The following KANSL1 variants were observed in gnomAD, a reference collection of about 807,000 sequenced individuals.
KANSL1 encodes the protein MLL1/MLL complex subunit KANSL1.
Under a neutral mutation model 103.6 loss-of-function variants are expected in KANSL1, and 22 were observed. The observed-to-expected ratio is 0.21, with a 90% CI of 0.15 to 0.30. The LOEUF (loss-of-function observed/expected upper bound fraction) is 0.30, where lower values mean the gene tolerates loss of function less well. Among genes scored for constraint, KANSL1 ranks in the 10% least tolerant of loss-of-function variants. The probability of loss-of-function intolerance (pLI) is 1.00; values close to 1 mark genes in which losing one functional copy is unlikely to be tolerated. For missense variants in KANSL1, 1,337 were observed against 1,399.8 expected (o/e 0.96, Z 0.72); for synonymous variants, 600 against 527.6 (o/e 1.14, Z -1.88).
chr17:46,168,021 A>G (rs2046091330), intron 2 of KANSL1, among the ~76,000 whole-genome samples: 1 of 152,212 alleles, frequency 6.6e-6, no homozygotes, highest in South Asian at 2.1e-4. Flanking sequence ...CCACCACTCT[A>G]TCTTGGGCAA....
chr17:46,107,028 A>C (rs2042595971), intron 2 of KANSL1, among the ~76,000 whole-genome samples: 1 of 152,236 alleles, frequency 6.6e-6, no homozygotes, highest in African/African-American at 2.4e-5. Context: ...GACTAAAGGA[A>C]CAACACAGTG....
At chr17:46,190,251 A>C (rs1918788) in intron 1 of KANSL1, among the ~76,000 whole-genome samples, 1 of 152,146 alleles carries the variant, frequency 6.6e-6, no homozygotes, top group Non-Finnish European at 1.5e-5. Context: ...CCTTGATATG[A>C]GTTCACAAGT....
intron 2 of KANSL1, among the ~76,000 whole-genome samples, chr17:46,108,059 G>C (rs2042646157): frequency 6.8e-6 from 1 of 147,450 alleles, no homozygotes; most frequent in South Asian, 2.1e-4. Flanking sequence ...ACCACTTTCA[G>C]GATATTATCA....
intron 10 of KANSL1, 144 bp downstream of exon 10, chr17:46,038,394 G>T: frequency 1.2e-6 from 1 of 841,978 alleles, no homozygotes; most frequent in African/African-American, 1.7e-5. Context: ...AAATGGTACA[G>T]ACATACATAC....
At chr17:46,190,165 C>T (rs1300034401) in intron 1 of KANSL1, among the ~76,000 whole-genome samples, 1 of 152,208 alleles carries the variant, frequency 6.6e-6, no homozygotes, top group African/African-American at 2.4e-5. Flanking sequence ...TACAATGTAG[C>T]ATTACTAGAG....
intron 1 of KANSL1, among the ~76,000 whole-genome samples, chr17:46,212,127 T>A (rs938276171): frequency 6.6e-6 from 1 of 152,362 alleles, no homozygotes; most frequent in South Asian, 2.1e-4. Flanking sequence ...AGAACATATA[T>A]ACATTCCTTA....
chr17:46,163,614 T>C (rs922481709), intron 2 of KANSL1, among the ~76,000 whole-genome samples: 1 of 152,228 alleles, frequency 6.6e-6, no homozygotes, highest in Admixed American at 6.5e-5. Flanking sequence ...TGGACTCTCA[T>C]GAGCTCTTAA....
At position 46,143,295 on chromosome 17, in the gene KANSL1, A is replaced by C. The variant is rs568036384; in HGVS notation, c.1289+27560T>G. 1.2e-4 allele frequency among the ~76,000 whole-genome samples: 18 copies of C among 152,176 alleles called. 1 individual carries two copies. The highest frequency in any genetic ancestry group is 3.9e-4 in the African/African-American group (16 of 41,508). ...GATCACCTGAAGTCAGGAGTTCAAG[A>C]CCAGCCTGGCCAACATGGTGAAACC... On this transcript the variant is annotated intron_variant, in intron 2 of 14. Transcript: ENST00000432791.
intron 2 of KANSL1, among the ~76,000 whole-genome samples, chr17:46,111,048 A>G (rs1268167815): frequency 6.6e-6 from 1 of 152,248 alleles, no homozygotes; most frequent in Non-Finnish European, 1.5e-5. Flanking sequence ...ACTACCTATC[A>G]TAATTGTAGT....
At chr17:46,208,590 C>T (rs2048050376) in intron 1 of KANSL1, among the ~76,000 whole-genome samples, 1 of 145,436 alleles carries the variant, frequency 6.9e-6, no homozygotes, top group Non-Finnish European at 1.5e-5. Context: ...GCACTCTAGC[C>T]TGGATGACAG....
intron 6 of KANSL1, among the ~76,000 whole-genome samples, chr17:46,056,314 A>G (rs2077928103): frequency 6.6e-6 from 1 of 152,186 alleles, no homozygotes; most frequent in Admixed American, 6.5e-5. Context: ...TAAAGATTTA[A>G]ATATAAAAAC....
At chr17:46,088,945 C>T (rs17660167) in intron 3 of KANSL1, among the ~76,000 whole-genome samples, 21,614 of 151,768 alleles carry the variant, frequency 0.14, 2,118 homozygotes, top group Non-Finnish European at 0.22. Flanking sequence ...GAAATTTCAA[C>T]AAACATGTTT....
At chr17:46,213,857 G>A (rs998233951) in intron 1 of KANSL1, among the ~76,000 whole-genome samples, 3 of 151,992 alleles carry the variant, frequency 2.0e-5, no homozygotes, top group African/African-American at 7.3e-5. Context: ...GGTGGAGGTT[G>A]CAGTGAGCCG....
chr17:46,206,181 T>C (rs1442437188), intron 1 of KANSL1, among the ~76,000 whole-genome samples: 1 of 151,416 alleles, frequency 6.6e-6, no homozygotes, highest in Non-Finnish European at 1.5e-5. Context: ...ATTCCCTAAA[T>C]TGATCTACAG....
chr17:46,148,072 G>A (rs1486649098), intron 2 of KANSL1: 1 of 152,210 alleles, frequency 6.6e-6, no homozygotes, highest in African/African-American at 2.4e-5. Context: ...CTTTAAAGGC[G>A]ATGGTTTATA....
At chr17:46,166,280 G>A (rs976756096) in intron 2 of KANSL1, among the ~76,000 whole-genome samples, 4 of 151,804 alleles carry the variant, frequency 2.6e-5, no homozygotes, top group Non-Finnish European at 4.4e-5. Context: ...GGGAGGCCAA[G>A]GCGGGTAGAT....
intron 3 of KANSL1, among the ~76,000 whole-genome samples, chr17:46,084,943 A>C (rs117904013): frequency 6.6e-6 from 1 of 152,184 alleles, no homozygotes; most frequent in Non-Finnish European, 1.5e-5. Flanking sequence ...CTGCCTTCTC[A>C]AAACGTTGTA....
At chr17:46,090,857 T>C (rs1568436649) in intron 3 of KANSL1, among the ~76,000 whole-genome samples, 1 of 152,264 alleles carries the variant, frequency 6.6e-6, no homozygotes, top group Non-Finnish European at 1.5e-5. Flanking sequence ...ATTAGAAGTA[T>C]ACCACATACA....
intron 2 of KANSL1, among the ~76,000 whole-genome samples, chr17:46,136,026 T>C (rs945216469): frequency 1.3e-5 from 2 of 152,162 alleles, no homozygotes; most frequent in African/African-American, 2.4e-5. Flanking sequence ...AGGTATCAAG[T>C]GTTCCTACAC....
Sources: gnomAD v4.1 joint callset for allele counts (sites outside exome capture counted in the v4.1 genomes callset) on GRCh38, gnomAD v4.1.1 for gene constraint, MANE v1.5 for transcripts, NCBI Gene and HGNC (gene_info 2026-07-23, HGNC 2026-07-21) for gene names.